The following FSTL4 variants were observed in gnomAD, a reference collection of about 807,000 sequenced individuals.
The protein encoded by FSTL4 is follistatin-related protein 4.
A neutral mutation model predicts 78.2 loss-of-function variants in FSTL4; 28 were observed. That is an observed-to-expected ratio of 0.36 (90% CI 0.27 to 0.49). FSTL4 has a LOEUF of 0.49. Among genes scored for constraint, FSTL4 ranks in the 20% least tolerant of loss-of-function variants. The pLI is 0.98. For synonymous variants in FSTL4, 422 were observed against 440.5 expected (o/e 0.96, Z 0.53); for missense variants, 922 against 1,084.9 (o/e 0.85, Z 2.11).
chr5:133,753,409 C>A, the FSTL4 span, among the ~76,000 whole-genome samples: 4 of 152,216 alleles, frequency 2.6e-5, no homozygotes, highest in African/African-American at 9.6e-5. Flanking sequence ...GTTCTCCCAA[C>A]TCCTCTGAAA....
At chr5:133,651,296 C>T in the FSTL4 span, among the ~76,000 whole-genome samples, 1 of 152,274 alleles carries the variant, frequency 6.6e-6, no homozygotes, top group Admixed American at 6.5e-5. Flanking sequence ...TGAGAGGGGA[C>T]ATCCTTGCCT....
chr5:133,697,982 T>A, the FSTL4 span, among the ~76,000 whole-genome samples: 1 of 152,224 alleles, frequency 6.6e-6, no homozygotes, highest in African/African-American at 2.4e-5. Context: ...AACAGCTTTA[T>A]TTCTACTTGG....
At chr5:133,676,821 A>G in the FSTL4 span, among the ~76,000 whole-genome samples, 2 of 152,178 alleles carry the variant, frequency 1.3e-5, no homozygotes, top group African/African-American at 4.8e-5. Context: ...AGAAACTGGG[A>G]AAAAATGTAT....
the FSTL4 span, among the ~76,000 whole-genome samples, chr5:133,740,676 T>A: frequency 2.6e-5 from 4 of 152,304 alleles, no homozygotes; most frequent in South Asian, 6.2e-4. Context: ...CTCTCCTGCA[T>A]CTGCCAGTGG....
At chr5:133,247,538 C>T (rs1381557929) in intron 7 of FSTL4, 1 of 152,236 alleles carries the variant, frequency 6.6e-6, no homozygotes, top group Non-Finnish European at 1.5e-5. Context: ...TGGCACTGCA[C>T]CTTGTGAGCA....
intron 3 of FSTL4, among the ~76,000 whole-genome samples, chr5:133,498,658 C>T (rs533741113): frequency 6.6e-6 from 1 of 150,444 alleles, no homozygotes; most frequent in Non-Finnish European, 1.5e-5. Context: ...GTGGAGGTTG[C>T]AGTGAGCCAG....
chr5:133,791,359 C>A, the FSTL4 span, among the ~76,000 whole-genome samples: 2 of 152,062 alleles, frequency 1.3e-5, no homozygotes, highest in Non-Finnish European at 2.9e-5. Flanking sequence ...CTTACCTCTT[C>A]CTAACATACT....
Position 133,466,404 on chromosome 5 carries a change from C to A in FSTL4, c.161-65418G>T, listed in dbSNP as rs12109059. 2.0e-5 allele frequency among the ~76,000 whole-genome samples: 3 copies of A among 151,880 alleles called. No homozygotes were observed. In the South Asian group the frequency reaches 6.2e-4, roughly 32 times the overall value. On this transcript the variant is annotated intron_variant, in intron 3 of 15. Coordinates refer to ENST00000265342, the MANE Select transcript of FSTL4 (RefSeq NM_015082.2). ...AAAAATACAAAAAATTAGCCGGGTG[C>A]GGTGGCAGGCGCCTGTAGTCCCAGC... is the stretch of plus-strand genomic sequence containing the variant.
chr5:133,764,293 A>T, the FSTL4 span, among the ~76,000 whole-genome samples: 1 of 152,096 alleles, frequency 6.6e-6, no homozygotes, highest in African/African-American at 2.4e-5. Context: ...GGGCTCTGGG[A>T]TCAGAGCAGC....
chr5:133,239,230 C>T (rs1319762792), intron 7 of FSTL4, among the ~76,000 whole-genome samples: 1 of 140,448 alleles, frequency 7.1e-6, no homozygotes, highest in Non-Finnish European at 1.6e-5. Context: ...CTCCCCCACC[C>T]CCACCCCCCT....
At chr5:133,780,225 G>A in the FSTL4 span, among the ~76,000 whole-genome samples, 2 of 152,110 alleles carry the variant, frequency 1.3e-5, no homozygotes, top group Admixed American at 1.3e-4. Context: ...GCAGATGTGG[G>A]CACTGGGAGG....
chr5:133,344,191 T>C (rs1240106450), intron 4 of FSTL4, among the ~76,000 whole-genome samples: 1 of 152,146 alleles, frequency 6.6e-6, no homozygotes, highest in African/African-American at 2.4e-5. Context: ...AAAATATGCA[T>C]ACCATAAAAA....
chr5:133,384,618 C>T (rs1755655591), intron 4 of FSTL4, among the ~76,000 whole-genome samples: 1 of 152,216 alleles, frequency 6.6e-6, no homozygotes, highest in Non-Finnish European at 1.5e-5. Context: ...CCGATTCAGG[C>T]TTCTGTGTGG....
intron 3 of FSTL4, among the ~76,000 whole-genome samples, chr5:133,516,580 C>T (rs536015029): frequency 2.0e-5 from 3 of 152,220 alleles, no homozygotes; most frequent in African/African-American, 7.2e-5. Flanking sequence ...CTCCATATTC[C>T]CCTATAACAG....
In FSTL4 at chr5:133,611,919, C is replaced by A. The variant is rs1761104426; in HGVS notation, c.-11+406G>T. 1.3e-5 allele frequency among the ~76,000 whole-genome samples: 2 copies of A among 152,034 alleles called. No homozygotes were observed. The highest frequency in any genetic ancestry group is 4.8e-5 in the African/African-American group (2 of 41,414). On this transcript the variant is annotated intron_variant, in intron 1 of 15. Transcript: ENST00000265342. The surrounding 1 kb of genome is among the most constrained non-coding windows in gnomAD (Gnocchi z 4.9). Reference sequence around the variant, plus strand: ...CCGCGCTCGCCTGGCTCCGCCGGGGCCGCTCGGGGTCCTGAACCCAAGAAC... The same window carrying A: ...CCGCGCTCGCCTGGCTCCGCCGGGGACGCTCGGGGTCCTGAACCCAAGAAC...
chr5:133,240,414 C>G (rs1050720274), intron 7 of FSTL4, among the ~76,000 whole-genome samples: 1 of 152,172 alleles, frequency 6.6e-6, no homozygotes, highest in African/African-American at 2.4e-5. Context: ...CTGTCTGAGC[C>G]CCCTGGAAGA....
At chr5:133,495,678 TA>T (rs1214581493) in intron 3 of FSTL4, among the ~76,000 whole-genome samples, 1 of 152,132 alleles carries the variant, frequency 6.6e-6, no homozygotes, top group Non-Finnish European at 1.5e-5. Context: ...CTCCGGGGCC[TA>T]ACGAGAAATT....
chr5:133,745,012 T>C, the FSTL4 span, among the ~76,000 whole-genome samples: 6 of 152,352 alleles, frequency 3.9e-5, no homozygotes, highest in South Asian at 4.1e-4. Context: ...ATCAAGGCTG[T>C]TTGTTTTCAG....
At chr5:133,639,344 A>G in the FSTL4 span, among the ~76,000 whole-genome samples, 1 of 152,190 alleles carries the variant, frequency 6.6e-6, no homozygotes, top group African/African-American at 2.4e-5. Context: ...GTGCTCTATA[A>G]ATATTCACAA....
Sources: gnomAD v4.1 joint callset for allele counts (sites outside exome capture counted in the v4.1 genomes callset) on GRCh38, gnomAD v4.1.1 for gene constraint, Gnocchi (gnomAD v3.1) non-coding constraint, MANE v1.5 for transcripts, NCBI Gene and HGNC (gene_info 2026-07-23, HGNC 2026-07-21) for gene names.